CSMD1: variants seen among roughly 807,000 people sequenced by gnomAD.
CSMD1 encodes CUB and Sushi multiple domains 1.
A neutral mutation model predicts 417.5 loss-of-function variants in CSMD1; 213 were observed. The observed-to-expected ratio is 0.51, with a 90% CI of 0.46 to 0.57. The LOEUF is 0.57. Among genes scored for constraint, CSMD1 ranks in the 20% least tolerant of loss-of-function variants. CSMD1 has a pLI of 0.00. For synonymous variants in CSMD1, 2,862 were observed against 1,736.8 expected (o/e 1.65, Z -16.11); for missense variants, 6,923 against 4,529.7 (o/e 1.53, Z -15.17).
At chr8:4,264,654 C>A (rs1200665542) in intron 3 of CSMD1, among the ~76,000 whole-genome samples, 2 of 152,090 alleles carry the variant, frequency 1.3e-5, no homozygotes, top group African/African-American at 4.8e-5. Context: ...TACATGACAG[C>A]CATATTCACC....
At chr8:4,306,202 G>C (rs771449551) in intron 3 of CSMD1, among the ~76,000 whole-genome samples, 1 of 152,208 alleles carries the variant, frequency 6.6e-6, no homozygotes, top group Non-Finnish European at 1.5e-5. Flanking sequence ...AAACGCTAGT[G>C]TGCTCTTCAG....
chr8:4,606,036 G>C (rs894651880), intron 2 of CSMD1, among the ~76,000 whole-genome samples: 3 of 152,156 alleles, frequency 2.0e-5, no homozygotes, highest in African/African-American at 4.8e-5. Context: ...AATGGTTGGA[G>C]TCTATTTCTA....
At chr8:4,803,434 T>G (rs1226804799) in intron 1 of CSMD1, among the ~76,000 whole-genome samples, 2 of 152,166 alleles carry the variant, frequency 1.3e-5, no homozygotes, top group Non-Finnish European at 2.9e-5. Flanking sequence ...GTCTCTTTTA[T>G]AGGAAGGGGT....
chr8:3,349,032 A>G (rs77415211), intron 21 of CSMD1, among the ~76,000 whole-genome samples: 1 of 152,206 alleles, frequency 6.6e-6, no homozygotes, highest in South Asian at 2.1e-4. Flanking sequence ...AGAGCTCCAC[A>G]GGAGTCTGCG....
chr8:3,859,562 T>C (rs1804550077), intron 5 of CSMD1, among the ~76,000 whole-genome samples: 1 of 152,130 alleles, frequency 6.6e-6, no homozygotes, highest in African/African-American at 2.4e-5. Flanking sequence ...CATCTAACAA[T>C]CTTAGTGCGA....
chr8:3,706,052 C>T (rs1371976221), intron 7 of CSMD1, among the ~76,000 whole-genome samples: 1 of 152,188 alleles, frequency 6.6e-6, no homozygotes, highest in Admixed American at 6.5e-5. Flanking sequence ...GGTGGGAACG[C>T]CTAAGGCACG....
intron 5 of CSMD1, among the ~76,000 whole-genome samples, chr8:3,835,822 G>A (rs985107251): frequency 1.3e-5 from 2 of 151,748 alleles, no homozygotes; most frequent in African/African-American, 2.4e-5. Context: ...TTTCAGTCTA[G>A]GAGTTCTTCT....
chr8:4,884,466 T>A (rs1398539357), intron 1 of CSMD1, among the ~76,000 whole-genome samples: 2 of 152,172 alleles, frequency 1.3e-5, no homozygotes, highest in African/African-American at 4.8e-5. Flanking sequence ...TACATGCCTG[T>A]AGAGATTCAT....
chr8:4,502,774 C>A (rs1802323558), intron 2 of CSMD1, among the ~76,000 whole-genome samples: 1 of 152,288 alleles, frequency 6.6e-6, no homozygotes, highest in East Asian at 1.9e-4. Flanking sequence ...GTACATTCCA[C>A]AAGAGCATGA....
chr8:4,895,143 A>T (rs974300348), intron 1 of CSMD1, among the ~76,000 whole-genome samples: 11 of 152,216 alleles, frequency 7.2e-5, no homozygotes, highest in African/African-American at 2.7e-4. Context: ...TTTGATTTAC[A>T]TTCGCTTCTG....
intron 68 of CSMD1, among the ~76,000 whole-genome samples, chr8:2,943,304 T>G (rs1334037541): frequency 1.3e-5 from 2 of 152,018 alleles, no homozygotes; most frequent in Admixed American, 6.5e-5. Context: ...CTCAGCTCAT[T>G]GCAACCTCTG....
intron 23 of CSMD1, among the ~76,000 whole-genome samples, chr8:3,340,105 A>C (rs778776120): frequency 7.2e-5 from 11 of 152,200 alleles, no homozygotes; most frequent in Non-Finnish European, 1.3e-4. Flanking sequence ...GATGCCTGCC[A>C]AATGAGGATC....
intron 3 of CSMD1, among the ~76,000 whole-genome samples, chr8:4,133,131 T>A (rs780298304): frequency 8.5e-5 from 13 of 152,168 alleles, no homozygotes; most frequent in Non-Finnish European, 1.5e-4. Flanking sequence ...AGAGAAGGGG[T>A]TTCACCATAT....
intron 2 of CSMD1, among the ~76,000 whole-genome samples, chr8:4,541,981 G>T (rs1469870753): frequency 2.6e-5 from 4 of 152,104 alleles, no homozygotes; most frequent in Non-Finnish European, 5.9e-5. Flanking sequence ...CCTCAGATGT[G>T]GAGGAAGAAA....
chr8:3,524,301 A>G (rs1373973323), intron 10 of CSMD1, among the ~76,000 whole-genome samples: 1 of 150,132 alleles, frequency 6.7e-6, no homozygotes, highest in African/African-American at 2.5e-5. Context: ...ACACACGTAC[A>G]CTCAGAGACA....
intron 23 of CSMD1, among the ~76,000 whole-genome samples, chr8:3,317,605 A>T (rs1805859901): frequency 6.6e-6 from 1 of 152,222 alleles, no homozygotes; most frequent in Non-Finnish European, 1.5e-5. Context: ...TTTGTTTAAT[A>T]GGAACTTCTG....
chr8:3,100,880 G>C (rs916533908), intron 46 of CSMD1, among the ~76,000 whole-genome samples: 4 of 152,066 alleles, frequency 2.6e-5, no homozygotes, highest in African/African-American at 9.7e-5. Flanking sequence ...AGCCCTCTGT[G>C]AACTAGGGAA....
At chr8:3,055,025 C>T (rs960393929) in intron 49 of CSMD1, among the ~76,000 whole-genome samples, 3 of 152,140 alleles carry the variant, frequency 2.0e-5, no homozygotes, top group Non-Finnish European at 4.4e-5. Context: ...TGTTCATGAT[C>T]GCAAGCCTTA....
chr8:3,271,824 AT>A (rs1801880740), intron 26 of CSMD1, among the ~76,000 whole-genome samples: 1 of 151,790 alleles, frequency 6.6e-6, no homozygotes, highest in African/African-American at 2.4e-5. Context: ...TAGATTGTGG[AT>A]ATTAGCCCTT....
Sources: gnomAD v4.1 joint callset for allele counts (sites outside exome capture counted in the v4.1 genomes callset) on GRCh38, gnomAD v4.1.1 for gene constraint, MANE v1.5 for transcripts, NCBI Gene and HGNC (gene_info 2026-07-23, HGNC 2026-07-21) for gene names.